Variants in AGTPBP1 observed in about 807,000 individuals in gnomAD.
The protein encoded by AGTPBP1 is cytosolic carboxypeptidase 1.
A neutral mutation model predicts 143.9 loss-of-function variants in AGTPBP1; 70 were observed. The ratio of observed to expected loss-of-function variants is 0.49; its 90% CI spans 0.40 to 0.59. The LOEUF (loss-of-function observed/expected upper bound fraction) is 0.59. Among genes scored for constraint, AGTPBP1 ranks in the 20% least tolerant of loss-of-function variants. AGTPBP1 has a pLI of 0.00. For synonymous variants in AGTPBP1, 463 were observed against 500.2 expected, an observed-to-expected ratio of 0.93 and a Z score of 0.99; for missense variants, 1,229 against 1,464.5, an observed-to-expected ratio of 0.84 and a Z score of 2.62.
At chr9:85,599,675 G>C (rs185780252) in intron 17 of AGTPBP1, among the ~76,000 whole-genome samples, 2 of 152,140 alleles carry the variant, frequency 1.3e-5, no homozygotes, top group African/African-American at 2.4e-5. Flanking sequence ...AAAGAGATCA[G>C]ATAGCATATT....
At chr9:85,564,107 G>A (rs1224232142) in intron 25 of AGTPBP1, among the ~76,000 whole-genome samples, 1 of 152,238 alleles carries the variant, frequency 6.6e-6, no homozygotes, top group Admixed American at 6.5e-5. Flanking sequence ...ACTAGGGCAA[G>A]GCCCAGCAAA....
intron 19 of AGTPBP1, among the ~76,000 whole-genome samples, chr9:85,590,377 T>C (rs1828881868): frequency 6.6e-6 from 1 of 152,186 alleles, no homozygotes. Context: ...TTCCTAATTA[T>C]GAATACTATA....
intron 2 of AGTPBP1, among the ~76,000 whole-genome samples, chr9:85,706,831 G>A (rs1402241816): frequency 3.3e-5 from 5 of 151,968 alleles, no homozygotes; most frequent in South Asian, 2.1e-4. Flanking sequence ...AGCCGACATC[G>A]CGCCACTGCA....
chr9:85,796,898 T>G, the AGTPBP1 span, among the ~76,000 whole-genome samples: 1 of 152,130 alleles, frequency 6.6e-6, no homozygotes, highest in Non-Finnish European at 1.5e-5. Context: ...GCGATTCTCC[T>G]GCCTCAGCCT....
chr9:85,709,443 G>T (rs1162368160), intron 2 of AGTPBP1, among the ~76,000 whole-genome samples: 2 of 152,070 alleles, frequency 1.3e-5, no homozygotes, highest in South Asian at 2.1e-4. Context: ...TTTTTTTAGT[G>T]ATACCTACTA....
rs201714218 is a variant in AGTPBP1, at chr9:85,632,694, C to T, written c.1983G>A (p.Glu661=). ...CACCATAAGGCCTTTCTAAAATAGGCTCTTTGAATGGAGGCGGAATGTGAC... is the reference window on the plus strand; with the variant it reads ...CACCATAAGGCCTTTCTAAAATAGGTTCTTTGAATGGAGGCGGAATGTGAC... ...YFGHIPPPFK[E]PILERPYGVQ... is the part of the protein sequence containing the mutation. The change falls in exon 14 of 26, where the codon GAG becomes GAA. Residue 661 remains glutamate (E), a synonymous_variant. Coordinates refer to ENST00000357081, the MANE Select transcript of AGTPBP1 (RefSeq NM_001330701.2). 1.9e-6 allele frequency: 3 copies of T among 1,611,902 alleles called. No individual in the cohort carries two copies. Among genetic ancestry groups the T allele is most frequent in the Non-Finnish European group, 2.5e-6 (3 of 1,178,976 alleles).
At chr9:85,791,275 G>C in the AGTPBP1 span, among the ~76,000 whole-genome samples, 6,435 of 152,020 alleles carry the variant, frequency 0.042, 180 homozygotes, top group Non-Finnish European at 0.061. Context: ...TCGGGAGGCT[G>C]AGGCAGGAGA....
chr9:85,661,868 T>C (rs1263005915), intron 8 of AGTPBP1, among the ~76,000 whole-genome samples: 1 of 152,188 alleles, frequency 6.6e-6, no homozygotes, highest in Admixed American at 6.6e-5. Flanking sequence ...AAATTGTGTA[T>C]ATTATGAAAC....
chr9:85,720,089 C>T lies in AGTPBP1; in HGVS notation c.-33-7523G>A, dbSNP rs560383042. ...AGTATTTTATTGAGGATTTTTGCAT[C>T]GATGTTCATCAGGGATATTGGTCTA... On this transcript the variant is annotated intron_variant, in intron 1 of 25. Coordinates refer to ENST00000357081, the MANE Select transcript of AGTPBP1 (RefSeq NM_001330701.2). Among the ~76,000 whole-genome samples, 4 of 152,230 alleles carry T rather than the reference C, an allele frequency of 2.6e-5. No individual in the cohort carries two copies. The South Asian group carries it at 6.2e-4, about 24-fold the overall frequency.
rs200265408 is a variant in AGTPBP1 at position 85,693,702 on chromosome 9, TATG to T, written c.33-892_33-890del. Among the ~76,000 whole-genome samples the T allele has an allele frequency of 4.6e-3, 702 of 152,150 alleles. 2 individuals carry two copies. The highest frequency in any genetic ancestry group is 0.013 in the Admixed American group (192 of 15,290). On this transcript the variant is annotated intron_variant, in intron 2 of 25. Transcript: ENST00000357081. The stretch of plus-strand genomic sequence containing the variant: ...CTGCCCCGCATAGAGTGTACATTCT[TATG>T]GTGAGAAACAAGTCAAATAGGTAAA...
chr9:85,665,203 A>G (rs934786029), intron 8 of AGTPBP1, among the ~76,000 whole-genome samples: 1 of 152,222 alleles, frequency 6.6e-6, no homozygotes, highest in Non-Finnish European at 1.5e-5. Flanking sequence ...TGGGCCCTTA[A>G]TACAACAGAC....
intron 1 of AGTPBP1, among the ~76,000 whole-genome samples, chr9:85,721,669 C>T (rs948944015): frequency 6.6e-6 from 1 of 152,120 alleles, no homozygotes; most frequent in Non-Finnish European, 1.5e-5. Context: ...AGCCCATTTA[C>T]ATTTAAGGTT....
At chr9:85,703,679 A>G (rs537256485) in intron 2 of AGTPBP1, among the ~76,000 whole-genome samples, 1 of 152,362 alleles carries the variant, frequency 6.6e-6, no homozygotes, top group Non-Finnish European at 1.5e-5. Flanking sequence ...GGAGATGACT[A>G]TGAAACTTCC....
intron 13 of AGTPBP1, 46 bp downstream of exon 13, chr9:85,642,781 C>T: frequency 6.9e-7 from 1 of 1,444,564 alleles, no homozygotes; most frequent in Non-Finnish European, 9.5e-7. Flanking sequence ...AAAAAAATAA[C>T]TTTTTATTAA....
chr9:85,797,493 C>T, the AGTPBP1 span, among the ~76,000 whole-genome samples: 5 of 152,162 alleles, frequency 3.3e-5, no homozygotes, highest in African/African-American at 1.2e-4. Context: ...AAGGTTCAGA[C>T]ATATTAGGTA....
intron 25 of AGTPBP1, among the ~76,000 whole-genome samples, chr9:85,568,660 G>A (rs1373310420): frequency 6.6e-6 from 1 of 152,202 alleles, no homozygotes. Context: ...GAAGGTTACT[G>A]GAGTTGTTCA....
chr9:85,660,208 G>A (rs1833769775), intron 9 of AGTPBP1, among the ~76,000 whole-genome samples: 1 of 151,896 alleles, frequency 6.6e-6, no homozygotes, highest in African/African-American at 2.4e-5. Context: ...GTGGGGTGGG[G>A]ACATATAAAA....
the AGTPBP1 span, chr9:85,774,108 T>A: frequency 1.9e-6 from 2 of 1,044,590 alleles, no homozygotes; most frequent in East Asian, 4.7e-5. Flanking sequence ...TAGGACAGAA[T>A]TTGATCACTT....
At chr9:85,741,410 C>T in intron 1 of AGTPBP1, 4 of 985,310 alleles carry the variant, frequency 4.1e-6, no homozygotes, top group Non-Finnish European at 4.8e-6. Flanking sequence ...GGCTGGACTC[C>T]CCGCGGCGCC....
Sources: allele counts gnomAD v4.1 joint callset (sites outside exome capture counted in the v4.1 genomes callset), GRCh38; gene constraint gnomAD v4.1.1; transcripts MANE v1.5; gene names NCBI Gene and HGNC (gene_info 2026-07-23, HGNC 2026-07-21).